Variants in SLC4A4 observed in about 807,000 individuals in gnomAD.
The protein encoded by SLC4A4 is solute carrier family 4 member 4, also known as electrogenic sodium bicarbonate cotransporter 1.
In SLC4A4, 27 loss-of-function variants were observed where a neutral mutation model predicts 111.5. The observed-to-expected ratio is 0.24, with a 90% CI of 0.18 to 0.33. The LOEUF is 0.33. Ranked by LOEUF, SLC4A4 falls within the 10% of genes least tolerant of loss-of-function variation. The pLI is 1.00. For missense variants in SLC4A4, 909 were observed against 1,315.5 expected, an observed-to-expected ratio of 0.69 and a Z score of 4.78; for synonymous variants, 443 against 463.4, an observed-to-expected ratio of 0.96 and a Z score of 0.57.
At chr4:71,304,077 A>G (rs1725489899) in intron 3 of SLC4A4, among the ~76,000 whole-genome samples, 1 of 152,232 alleles carries the variant, frequency 6.6e-6, no homozygotes, top group African/African-American at 2.4e-5. Flanking sequence ...TGAATGTGAA[A>G]TTACATCTTC....
At chr4:71,304,570 T>A (rs1215783786) in intron 3 of SLC4A4, among the ~76,000 whole-genome samples, 3 of 152,228 alleles carry the variant, frequency 2.0e-5, no homozygotes, top group Non-Finnish European at 4.4e-5. Context: ...CTAGAAATAA[T>A]GTTTTACCAG....
chr4:71,458,314 A>T (rs1299772562), intron 12 of SLC4A4, among the ~76,000 whole-genome samples: 2 of 152,072 alleles, frequency 1.3e-5, no homozygotes, highest in Non-Finnish European at 2.9e-5. Flanking sequence ...ATAATTTTTG[A>T]TACCTTGTGA....
chr4:71,124,458 C>A (rs1051198725), intron 2 of SLC4A4, among the ~76,000 whole-genome samples: 6 of 151,926 alleles, frequency 3.9e-5, no homozygotes, highest in African/African-American at 1.5e-4. Flanking sequence ...GCATGAGCCA[C>A]CGTGCCCAGC....
intron 3 of SLC4A4, among the ~76,000 whole-genome samples, chr4:71,301,775 T>C (rs1469833461): frequency 6.6e-6 from 1 of 152,200 alleles, no homozygotes; most frequent in Non-Finnish European, 1.5e-5. Flanking sequence ...AGGAATCCCT[T>C]GAGGAATGGG....
intron 2 of SLC4A4, among the ~76,000 whole-genome samples, chr4:71,181,811 C>G (rs573629656): frequency 2.8e-4 from 43 of 152,154 alleles, no homozygotes; most frequent in African/African-American, 8.9e-4. Context: ...TTGACCCCCC[C>G]ACTTGAAAGC....
intron 2 of SLC4A4, among the ~76,000 whole-genome samples, chr4:71,156,397 C>T (rs1744464998): frequency 6.6e-6 from 1 of 152,072 alleles, no homozygotes; most frequent in Admixed American, 6.5e-5. Flanking sequence ...GTACACATGT[C>T]ATGCTTTTGA....
chr4:71,426,418 G>A (rs72650350), intron 7 of SLC4A4, among the ~76,000 whole-genome samples: 5 of 152,188 alleles, frequency 3.3e-5, no homozygotes, highest in Middle Eastern at 6.8e-3. Context: ...CAGATAAGCC[G>A]CCTACTTCCC....
chr4:71,513,232 G>A (rs939841828), intron 16 of SLC4A4, among the ~76,000 whole-genome samples: 5 of 151,968 alleles, frequency 3.3e-5, no homozygotes, highest in Admixed American at 2.0e-4. Flanking sequence ...TGTACATTAT[G>A]GTCATTTTAA....
At chr4:71,190,790 A>T (rs185143699) in intron 1 of SLC4A4, among the ~76,000 whole-genome samples, 1 of 152,240 alleles carries the variant, frequency 6.6e-6, no homozygotes, top group Non-Finnish European at 1.5e-5. Context: ...TAATGGCTTT[A>T]CTTGCTGTGG....
intron 2 of SLC4A4, among the ~76,000 whole-genome samples, chr4:71,161,251 G>C (rs988083199): frequency 2.0e-5 from 3 of 152,180 alleles, no homozygotes; most frequent in Admixed American, 6.5e-5. Context: ...TCCCTAAAGG[G>C]AAGTACAGTG....
chr4:71,194,860 G>A (rs1745912105), intron 1 of SLC4A4, among the ~76,000 whole-genome samples: 1 of 152,098 alleles, frequency 6.6e-6, no homozygotes, highest in South Asian at 2.1e-4. Context: ...TACCTTTTCA[G>A]CTTAATATAA....
intron 2 of SLC4A4, among the ~76,000 whole-genome samples, chr4:71,118,382 C>A (rs1226954969): frequency 6.6e-6 from 1 of 151,978 alleles, no homozygotes; most frequent in African/African-American, 2.4e-5. Context: ...ACCTCATATA[C>A]CTCACTTTCA....
intron 16 of SLC4A4, among the ~76,000 whole-genome samples, chr4:71,499,124 C>T (rs1435623261): frequency 6.6e-6 from 1 of 151,716 alleles, no homozygotes; most frequent in Non-Finnish European, 1.5e-5. Flanking sequence ...ATTTATTGGG[C>T]ATCTTGGATT....
intron 2 of SLC4A4, among the ~76,000 whole-genome samples, chr4:71,095,702 G>A (rs563695944): frequency 6.6e-6 from 1 of 152,256 alleles, no homozygotes; most frequent in South Asian, 2.1e-4. Flanking sequence ...GAAGGGTATG[G>A]CTCCTACTGT....
chr4:71,556,669 A>G (rs926981575), intron 21 of SLC4A4, among the ~76,000 whole-genome samples: 3 of 151,862 alleles, frequency 2.0e-5, no homozygotes, highest in Non-Finnish European at 4.4e-5. Context: ...CTTTTTGGTA[A>G]GATTTCATTT....
chr4:71,335,972 A>G (rs1560419916), intron 3 of SLC4A4, among the ~76,000 whole-genome samples: 1 of 152,108 alleles, frequency 6.6e-6, no homozygotes, highest in Non-Finnish European at 1.5e-5. Context: ...TAATTTACTT[A>G]TTTATTTAAA....
chr4:71,461,742 T>TA (rs371735651), intron 12 of SLC4A4, among the ~76,000 whole-genome samples: 2 of 152,164 alleles, frequency 1.3e-5, no homozygotes, highest in Non-Finnish European at 2.9e-5. Context: ...TTCTTGACTT[T>TA]AAAAAAACAT....
rs145004247 is a variant in SLC4A4, at chr4:71,267,621, C to T, written c.253+12222C>T. On this transcript the variant is annotated intron_variant, in intron 3 of 25. Transcript: ENST00000264485. ...CCAGCCTGGCCAACTTGGTGAAACC[C>T]CATCTCTACTAAAAATATGAAAATT... is the stretch of plus-strand genomic sequence containing the variant. Among the ~76,000 whole-genome samples, 586 of 151,850 alleles carry T rather than the reference C, an allele frequency of 3.9e-3. 7 individuals are homozygous for T. Among genetic ancestry groups the T allele is most frequent in the African/African-American group, 0.013 (556 of 41,404 alleles).
At chr4:71,097,820 T>C (rs1742602804) in intron 2 of SLC4A4, among the ~76,000 whole-genome samples, 1 of 152,214 alleles carries the variant, frequency 6.6e-6, no homozygotes, top group Non-Finnish European at 1.5e-5. Flanking sequence ...GACATGCATG[T>C]CTTCTTTTGA....
Sources: allele counts gnomAD v4.1 joint callset (sites outside exome capture counted in the v4.1 genomes callset), GRCh38; gene constraint gnomAD v4.1.1; transcripts MANE v1.5; gene names NCBI Gene and HGNC (gene_info 2026-07-23, HGNC 2026-07-21).